Variants in MOBP observed in about 807,000 individuals in gnomAD.
The protein encoded by MOBP is myelin-associated oligodendrocyte basic protein.
In MOBP, 5 loss-of-function variants were observed where a neutral mutation model predicts 15.0. The observed-to-expected ratio is 0.33, with a 90% CI of 0.17 to 0.70. The LOEUF (loss-of-function observed/expected upper bound fraction) is 0.70, where lower values mean the gene tolerates loss of function less well. MOBP is among the 30% of genes least tolerant of loss of function. The pLI is 0.67. For synonymous variants in MOBP, 88 were observed against 99.0 expected (o/e 0.89, Z 0.66); for missense variants, 188 against 257.8 (o/e 0.73, Z 1.85).
chr3:39,523,624 T>A (rs922107332), intron 3 of MOBP, among the ~76,000 whole-genome samples: 21 of 152,372 alleles, frequency 1.4e-4, no homozygotes, highest in Non-Finnish European at 2.1e-4. Flanking sequence ...TTCTTGATAT[T>A]TCTTCTTAAC....
At chr3:39,470,032 A>G (rs777231917) in intron 1 of MOBP, among the ~76,000 whole-genome samples, 9 of 152,182 alleles carry the variant, frequency 5.9e-5, no homozygotes, top group Non-Finnish European at 1.3e-4. Context: ...TTAGTTTCAT[A>G]AATATAATAA....
downstream of MOBP, among the ~76,000 whole-genome samples, chr3:39,519,927 C>T (rs1018770718): frequency 1.3e-5 from 2 of 151,680 alleles, no homozygotes; most frequent in Non-Finnish European, 2.9e-5. Flanking sequence ...TCTTTCTTCA[C>T]CTCAATGCGT....
chr3:39,482,426 C>T lies in MOBP; in HGVS notation c.-5+2303C>T, dbSNP rs140763372. On this transcript the variant is annotated intron_variant, in intron 2 of 3. Coordinates refer to ENST00000684792, the MANE Select transcript of MOBP (RefSeq NM_001393704.1). The stretch of plus-strand genomic sequence containing the variant: ...CAGCACTTTGGGAGGCCGAGGTGGG[C>T]GGATCATGAGGTCATGAGATCAAGA... Among the ~76,000 whole-genome samples the T allele has an allele frequency of 4.9e-4, 74 of 152,032 alleles. No individual in the cohort carries two copies. The East Asian group carries it at 8.5e-3, about 18-fold the overall frequency.
At chr3:39,474,458 T>G (rs1310431570) in intron 1 of MOBP, among the ~76,000 whole-genome samples, 1 of 152,260 alleles carries the variant, frequency 6.6e-6, no homozygotes, top group Non-Finnish European at 1.5e-5. Context: ...TGGTACAGGC[T>G]ACTTAATACA....
rs150220045 is a variant in MOBP at position 39,470,142 on chromosome 3, CG to C, written c.-89+2406del. 6.6e-3 allele frequency among the ~76,000 whole-genome samples: 1,005 copies of C among 152,288 alleles called. 4 individuals are homozygous for C. The highest frequency in any genetic ancestry group is 0.011 in the Non-Finnish European group (762 of 68,026). On this transcript the variant is annotated intron_variant, in intron 1 of 3. Transcript: ENST00000684792. The stretch of plus-strand genomic sequence containing the variant: ...TGGCTGGCATCCTTTCGCGGGTTGA[CG>C]GGGACGTCTGCCCTAGTGGAGGAGG...
At chr3:39,488,744 C>T (rs1401693599) in intron 2 of MOBP, among the ~76,000 whole-genome samples, 1 of 152,122 alleles carries the variant, frequency 6.6e-6, no homozygotes, top group Non-Finnish European at 1.5e-5. Context: ...TCATCCTTGC[C>T]TTATTCTTTA....
chr3:39,470,566 CACTTT>C (rs1197636946), intron 1 of MOBP, among the ~76,000 whole-genome samples: 1 of 152,126 alleles, frequency 6.6e-6, no homozygotes, highest in African/African-American at 2.4e-5. Flanking sequence ...ATACATCACA[CACTTT>C]ACTTTAAAGT....
downstream of MOBP, chr3:39,528,814 C>T (rs1444158094): frequency 1.3e-5 from 2 of 152,198 alleles, no homozygotes; most frequent in African/African-American, 2.4e-5. Flanking sequence ...CACACTTTTT[C>T]CTAGTCTTTC....
chr3:39,495,162 G>A (rs952550161), intron 2 of MOBP, among the ~76,000 whole-genome samples: 2 of 152,138 alleles, frequency 1.3e-5, no homozygotes, highest in Admixed American at 6.5e-5. Flanking sequence ...GCAAGCACAC[G>A]TAGAACAAGG....
downstream of MOBP, among the ~76,000 whole-genome samples, chr3:39,506,750 G>A (rs2043052893): frequency 6.6e-6 from 1 of 152,234 alleles, no homozygotes; most frequent in Non-Finnish European, 1.5e-5. Context: ...GCAAGTGCTG[G>A]CACCTGGAAG....
chr3:39,508,076 G>A (rs2043069360), intron 4 of MOBP, among the ~76,000 whole-genome samples: 1 of 152,186 alleles, frequency 6.6e-6, no homozygotes, highest in African/African-American at 2.4e-5. Flanking sequence ...ACAGCACACA[G>A]CAGGACGATA....
At chr3:39,479,912 A>G (rs1239594841) in intron 1 of MOBP, 128 bp from the exon 2 acceptor site, 1 of 151,784 alleles carries the variant, frequency 6.6e-6, no homozygotes, top group African/African-American at 2.4e-5. Flanking sequence ...TGGCATCTAG[A>G]TCAAACGTCA....
downstream of MOBP, among the ~76,000 whole-genome samples, chr3:39,504,383 G>C (rs891383762): frequency 1.3e-5 from 2 of 152,226 alleles, no homozygotes; most frequent in African/African-American, 2.4e-5. Flanking sequence ...ACATGGAAAG[G>C]AGTTAGAAGA....
intron 2 of MOBP, among the ~76,000 whole-genome samples, chr3:39,492,355 T>A (rs999283872): frequency 6.6e-6 from 1 of 152,058 alleles, no homozygotes; most frequent in African/African-American, 2.4e-5. Context: ...TTTTTCATAC[T>A]CTTATCCACC....
chr3:39,468,394 C>G (rs1278704986), intron 1 of MOBP, among the ~76,000 whole-genome samples: 3 of 152,114 alleles, frequency 2.0e-5, no homozygotes, highest in Non-Finnish European at 4.4e-5. Context: ...GCCTACAGTA[C>G]TAGCAGGAAA....
intron 2 of MOBP, among the ~76,000 whole-genome samples, chr3:39,484,936 A>T (rs900671773): frequency 2.6e-5 from 4 of 152,218 alleles, no homozygotes; most frequent in African/African-American, 4.8e-5. Flanking sequence ...AACAAAGCAA[A>T]ACAATGAGGG....
chr3:39,513,715 C>T, exon 5 of MOBP: 1 of 393,724 alleles, frequency 2.5e-6, no homozygotes, highest in Non-Finnish European at 4.5e-6. Flanking sequence ...GCAGTCCTTT[C>T]TTCTCCAGGA....
At chr3:39,506,468 A>G (rs559606241), downstream of MOBP, among the ~76,000 whole-genome samples, 12 of 150,192 alleles carry the variant, frequency 8.0e-5, no homozygotes, top group Non-Finnish European at 7.4e-5. Context: ...GAAAGAGCCA[A>G]TTAAAAAAAA....
chr3:39,477,950 A>T (rs2042566299), intron 1 of MOBP, among the ~76,000 whole-genome samples: 3 of 152,206 alleles, frequency 2.0e-5, no homozygotes, highest in Admixed American at 6.5e-5. Context: ...GCTAAGTGTT[A>T]TTACAAAAGA....
Sources: gnomAD v4.1 joint callset for allele counts (sites outside exome capture counted in the v4.1 genomes callset) on GRCh38, gnomAD v4.1.1 for gene constraint, MANE v1.5 for transcripts, NCBI Gene and HGNC (gene_info 2026-07-23, HGNC 2026-07-21) for gene names.